TAFA1: variants seen among roughly 807,000 people sequenced by gnomAD.
TAFA1 encodes the protein chemokine-like protein TAFA-1.
TAFA1 carries 4 observed loss-of-function variants against 18.5 expected under a neutral mutation model. The observed-to-expected ratio is 0.22, with a 90% confidence interval of 0.11 to 0.49. The LOEUF (loss-of-function observed/expected upper bound fraction) is 0.49. Ranked by LOEUF, TAFA1 falls within the 20% of genes least tolerant of loss-of-function variation. The pLI is 0.98. For synonymous variants in TAFA1, 56 were observed against 55.2 expected (o/e 1.01, Z -0.06); for missense variants, 147 against 169.0 (o/e 0.87, Z 0.72).
chr3:68,305,774 A>C (rs1257574602), intron 2 of TAFA1, among the ~76,000 whole-genome samples: 3 of 152,022 alleles, frequency 2.0e-5, no homozygotes, highest in Non-Finnish European at 4.4e-5. Context: ...GTTGTTAAGG[A>C]CAAAAACTCA....
intron 2 of TAFA1, among the ~76,000 whole-genome samples, chr3:68,081,825 C>T (rs2064905274): frequency 6.6e-6 from 1 of 152,248 alleles, no homozygotes; most frequent in Non-Finnish European, 1.5e-5. Flanking sequence ...CCTCCTTGAG[C>T]TGTGGTGGGC....
intron 2 of TAFA1, among the ~76,000 whole-genome samples, chr3:68,304,545 T>G (rs2068370821): frequency 6.6e-6 from 1 of 152,180 alleles, no homozygotes; most frequent in African/African-American, 2.4e-5. Flanking sequence ...GATGTTATTT[T>G]ATTCCTGGAA....
At chr3:68,350,919 A>G (rs555523968) in intron 2 of TAFA1, among the ~76,000 whole-genome samples, 24 of 152,202 alleles carry the variant, frequency 1.6e-4, no homozygotes, top group African/African-American at 5.1e-4. Context: ...TTGAAATTCC[A>G]TTAAAGAATT....
intron 2 of TAFA1, among the ~76,000 whole-genome samples, chr3:68,294,515 C>T (rs9827769): frequency 0.037 from 5,622 of 152,228 alleles, 336 homozygotes; most frequent in African/African-American, 0.13. Flanking sequence ...TCTGCCAAAA[C>T]GATTAAGTCA....
chr3:68,306,605 C>T (rs180899331), intron 2 of TAFA1, among the ~76,000 whole-genome samples: 14 of 152,242 alleles, frequency 9.2e-5, no homozygotes, highest in East Asian at 5.8e-4. Flanking sequence ...GTGTCCCCTC[C>T]GCCTCCACCT....
intron 3 of TAFA1, among the ~76,000 whole-genome samples, chr3:68,438,858 G>C (rs1315157591): frequency 1.3e-5 from 2 of 152,118 alleles, no homozygotes; most frequent in Non-Finnish European, 2.9e-5. Context: ...TTGAGCCACA[G>C]CTAGGATGGC....
intron 2 of TAFA1, among the ~76,000 whole-genome samples, chr3:68,034,653 A>C (rs1186639024): frequency 6.6e-6 from 1 of 152,146 alleles, no homozygotes; most frequent in African/African-American, 2.4e-5. Context: ...AGAAATTGCT[A>C]TTGCCCTTTC....
chr3:68,122,836 G>T (rs1179990479), intron 2 of TAFA1, among the ~76,000 whole-genome samples: 1 of 151,594 alleles, frequency 6.6e-6, no homozygotes, highest in African/African-American at 2.4e-5. Flanking sequence ...GTGTGTGTAT[G>T]TGTGTATTAT....
chr3:68,463,825 A>G (rs1224456425), intron 3 of TAFA1, among the ~76,000 whole-genome samples: 1 of 152,178 alleles, frequency 6.6e-6, no homozygotes, highest in African/African-American at 2.4e-5. Flanking sequence ...ATTATGGACC[A>G]TAGCATTTAC....
intron 2 of TAFA1, among the ~76,000 whole-genome samples, chr3:68,137,214 A>T (rs1033400643): frequency 2.0e-5 from 3 of 152,110 alleles, no homozygotes; most frequent in Non-Finnish European, 4.4e-5. Flanking sequence ...GCATTCAGTC[A>T]CTTCAAACTA....
intron 3 of TAFA1, among the ~76,000 whole-genome samples, chr3:68,495,523 A>G (rs1309923856): frequency 6.6e-6 from 1 of 152,158 alleles, no homozygotes; most frequent in African/African-American, 2.4e-5. Flanking sequence ...AATCCAAGGA[A>G]AGTCCTTGGC....
Position 68,267,165 on chromosome 3 carries a change from G to A in TAFA1, c.119-150115G>A, listed in dbSNP as rs188732465. On this transcript the variant is annotated intron_variant, in intron 2 of 4. Coordinates refer to ENST00000478136, the MANE Select transcript of TAFA1 (RefSeq NM_213609.4). The stretch of plus-strand genomic sequence containing the variant: ...CTATAGGAACACACAGATAAGACTT[G>A]TTGTGTTAATTAGCCTCATCTAATC... Among the ~76,000 whole-genome samples, 281 of 152,244 alleles carry A rather than the reference G, an allele frequency of 1.8e-3. 1 individual carries two copies. The highest frequency in any genetic ancestry group is 2.9e-3 in the Admixed American group (44 of 15,286).
chr3:68,171,366 A>G (rs1185391840), intron 2 of TAFA1, among the ~76,000 whole-genome samples: 2 of 152,202 alleles, frequency 1.3e-5, no homozygotes, highest in Admixed American at 6.5e-5. Context: ...TTCTGACATG[A>G]TAATATTAGC....
At chr3:68,281,362 A>T (rs2067894321) in intron 2 of TAFA1, among the ~76,000 whole-genome samples, 1 of 152,058 alleles carries the variant, frequency 6.6e-6, no homozygotes. Context: ...TTTTATTTTC[A>T]GTGTTTTAAA....
Position 68,400,413 on chromosome 3 carries a change from T to C in TAFA1, c.119-16867T>C, listed in dbSNP as rs905350525. On this transcript the variant is annotated intron_variant, in intron 2 of 4. Transcript: ENST00000478136. ...ATGACACTCAGAGTAATTACAAAAC[T>C]ATAGTGCATTCCTAGCAACTAAGTC... is the stretch of plus-strand genomic sequence containing the variant. Among the ~76,000 whole-genome samples, 4 of 152,218 alleles carry C rather than the reference T, an allele frequency of 2.6e-5. No homozygotes were observed. The East Asian group carries it at 5.8e-4, about 22-fold the overall frequency.
chr3:68,236,327 T>C (rs1438489246), intron 2 of TAFA1, among the ~76,000 whole-genome samples: 4 of 152,242 alleles, frequency 2.6e-5, no homozygotes, highest in South Asian at 2.1e-4. Flanking sequence ...ATTTCAATGA[T>C]TCATACTTTA....
chr3:67,993,667 A>G, the TAFA1 span, among the ~76,000 whole-genome samples: 1 of 152,186 alleles, frequency 6.6e-6, no homozygotes, highest in Non-Finnish European at 1.5e-5. Context: ...GCTGCCATAG[A>G]TATGTGTTGG....
At chr3:68,137,639 G>T (rs760875639) in intron 2 of TAFA1, among the ~76,000 whole-genome samples, 14 of 152,184 alleles carry the variant, frequency 9.2e-5, no homozygotes, top group Non-Finnish European at 2.1e-4. Flanking sequence ...TAAAAGGAAA[G>T]ATTCCTATCA....
chr3:68,341,915 C>A (rs1278298275), intron 2 of TAFA1, among the ~76,000 whole-genome samples: 15 of 152,120 alleles, frequency 9.9e-5, no homozygotes, highest in Non-Finnish European at 1.5e-5. Context: ...GAAAGTTTAG[C>A]CTGAAAAGGC....
Sources: gnomAD v4.1 joint callset for allele counts (sites outside exome capture counted in the v4.1 genomes callset) on GRCh38, gnomAD v4.1.1 for gene constraint, MANE v1.5 for transcripts, NCBI Gene and HGNC (gene_info 2026-07-23, HGNC 2026-07-21) for gene names.